Variants in CDKAL1 observed in about 807,000 individuals in gnomAD.
The protein encoded by CDKAL1 is threonylcarbamoyladenosine tRNA methylthiotransferase.
In CDKAL1, 32 loss-of-function variants were observed where a neutral mutation model predicts 68.2. The observed-to-expected ratio is 0.47, with a 90% CI of 0.35 to 0.63. CDKAL1 has a LOEUF of 0.63. Ranked by LOEUF, CDKAL1 falls within the 30% of genes least tolerant of loss-of-function variation. CDKAL1 has a pLI of 0.00. For synonymous variants in CDKAL1, 234 were observed against 244.3 expected (o/e 0.96, Z 0.39); for missense variants, 606 against 696.7 (o/e 0.87, Z 1.47).
intron 13 of CDKAL1, among the ~76,000 whole-genome samples, chr6:21,196,873 T>C (rs1020852695): frequency 6.6e-6 from 1 of 151,948 alleles, no homozygotes; most frequent in Non-Finnish European, 1.5e-5. Context: ...AAAGAGTAAC[T>C]GAGTCCAGGC....
At chr6:20,649,432 C>A in intron 5 of CDKAL1, 55 bp downstream of exon 5, 2 of 952,410 alleles carry the variant, frequency 2.1e-6, no homozygotes, top group Non-Finnish European at 1.6e-6. Context: ...GAATTGATAC[C>A]AAAAGATTAG....
At chr6:21,188,371 G>C (rs923129196) in intron 13 of CDKAL1, among the ~76,000 whole-genome samples, 3 of 151,982 alleles carry the variant, frequency 2.0e-5, no homozygotes, top group African/African-American at 7.3e-5. Context: ...AAATAAAATT[G>C]TATCTATTTA....
At chr6:20,983,663 G>A (rs927997916) in intron 10 of CDKAL1, among the ~76,000 whole-genome samples, 1 of 152,232 alleles carries the variant, frequency 6.6e-6, no homozygotes, top group Non-Finnish European at 1.5e-5. Flanking sequence ...TGAGGTTGCA[G>A]TGAGCTGCGA....
At chr6:20,688,879 G>A (rs1002707980) in intron 5 of CDKAL1, among the ~76,000 whole-genome samples, 1 of 152,218 alleles carries the variant, frequency 6.6e-6, no homozygotes, top group African/African-American at 2.4e-5. Context: ...CAGTGATGTG[G>A]TATTAAGGTG....
chr6:20,730,829 G>A (rs1021385766), intron 5 of CDKAL1, among the ~76,000 whole-genome samples: 4 of 127,042 alleles, frequency 3.1e-5, no homozygotes, highest in Non-Finnish European at 6.4e-5. Flanking sequence ...GGGCTAAGAA[G>A]CAAGACTCCG....
At chr6:20,655,164 C>T (rs1300552462) in intron 5 of CDKAL1, among the ~76,000 whole-genome samples, 1 of 152,110 alleles carries the variant, frequency 6.6e-6, no homozygotes, top group African/African-American at 2.4e-5. Context: ...TCTTCTTTTG[C>T]CTGCACAGTA....
At chr6:20,735,067 A>G (rs957352502) in intron 5 of CDKAL1, among the ~76,000 whole-genome samples, 4 of 150,528 alleles carry the variant, frequency 2.7e-5, no homozygotes, top group African/African-American at 4.9e-5. Flanking sequence ...GATGGGTTTC[A>G]CCACGTTGGC....
In CDKAL1 at chr6:20,896,414, A is replaced by G. The variant is rs141894974; in HGVS notation, c.742+50236A>G. ...CGCCTGGCCTCTTTTTTTCTTTTGA[A>G]GTCATTTTATGCAACTTAAAAATGG... On this transcript the variant is annotated intron_variant, in intron 9 of 15. Transcript: ENST00000274695. Among the ~76,000 whole-genome samples the G allele has an allele frequency of 8.9e-4, 136 of 152,088 alleles. 5 individuals carry two copies. The East Asian group carries it at 0.021, about 24-fold the overall frequency.
At chr6:20,858,376 C>T (rs1413157926) in intron 9 of CDKAL1, among the ~76,000 whole-genome samples, 13 of 151,708 alleles carry the variant, frequency 8.6e-5, no homozygotes, top group Non-Finnish European at 1.0e-4. Context: ...TGAGATGAGC[C>T]TTTCAAAGCA....
intron 5 of CDKAL1, among the ~76,000 whole-genome samples, chr6:20,702,833 TG>T (rs940787803): frequency 2.6e-5 from 4 of 152,026 alleles, no homozygotes; most frequent in African/African-American, 9.7e-5. Context: ...TCTGTGGGGG[TG>T]GAGCCCTAGC....
intron 12 of CDKAL1, among the ~76,000 whole-genome samples, chr6:21,089,743 A>G (rs778375389): frequency 1.3e-5 from 2 of 152,230 alleles, no homozygotes; most frequent in Non-Finnish European, 2.9e-5. Context: ...GGGTGAGAAG[A>G]CTTGTAGGAA....
At chr6:21,096,267 G>C (rs900264739) in intron 12 of CDKAL1, among the ~76,000 whole-genome samples, 1 of 152,198 alleles carries the variant, frequency 6.6e-6, no homozygotes, top group African/African-American at 2.4e-5. Context: ...CAGCTTATCT[G>C]TGGGTCAGAG....
At chr6:20,747,559 G>T (rs1773715749) in intron 6 of CDKAL1, among the ~76,000 whole-genome samples, 1 of 152,038 alleles carries the variant, frequency 6.6e-6, no homozygotes, top group Non-Finnish European at 1.5e-5. Flanking sequence ...GTTTTGATTT[G>T]TCTTTCCCTA....
intron 9 of CDKAL1, among the ~76,000 whole-genome samples, chr6:20,860,920 C>A (rs1360798608): frequency 7.0e-6 from 1 of 142,292 alleles, no homozygotes; most frequent in African/African-American, 2.6e-5. Context: ...AAACATTCTG[C>A]GTAGTGTGGT....
rs111576673 is a variant in CDKAL1 at position 20,583,252 on chromosome 6, A to G, written c.286+34547A>G. ...TTTTTACCCAATTCCTCATTTTCAT[A>G]TTTCTGTTTTCATAGTATCTTGTTA... On this transcript the variant is annotated intron_variant, in intron 4 of 15. Transcript: ENST00000274695. Among the ~76,000 whole-genome samples the G allele has an allele frequency of 3.9e-3, 596 of 152,118 alleles. 3 individuals are homozygous for G. The highest frequency in any genetic ancestry group is 0.014 in the African/African-American group (561 of 41,476).
chr6:20,534,682 G>C (rs957482441), intron 1 of CDKAL1, 108 bp downstream of exon 1: 1 of 152,308 alleles, frequency 6.6e-6, no homozygotes, highest in Non-Finnish European at 1.5e-5. Context: ...TTGCAAATTT[G>C]TTTCGCAGTT....
At chr6:20,913,065 T>A (rs1309736796) in intron 9 of CDKAL1, among the ~76,000 whole-genome samples, 2 of 150,828 alleles carry the variant, frequency 1.3e-5, no homozygotes, top group African/African-American at 4.9e-5. Flanking sequence ...TCTTAGGAGA[T>A]GTATCAGTCA....
At chr6:21,073,613 CTT>C (rs1490293170) in intron 12 of CDKAL1, among the ~76,000 whole-genome samples, 3 of 152,230 alleles carry the variant, frequency 2.0e-5, no homozygotes, top group African/African-American at 7.2e-5. Flanking sequence ...TGTTGAGTGT[CTT>C]TTCATATACT....
intron 9 of CDKAL1, among the ~76,000 whole-genome samples, chr6:20,947,726 C>T (rs1764319048): frequency 6.6e-6 from 1 of 152,202 alleles, no homozygotes; most frequent in Non-Finnish European, 1.5e-5. Flanking sequence ...TACAGTTGGG[C>T]AAAATCATCT....
Sources: gnomAD v4.1 joint callset for allele counts (sites outside exome capture counted in the v4.1 genomes callset) on GRCh38, gnomAD v4.1.1 for gene constraint, MANE v1.5 for transcripts, NCBI Gene and HGNC (gene_info 2026-07-23, HGNC 2026-07-21) for gene names.